Variants in BCO2 observed in about 807,000 individuals in gnomAD.
The protein encoded by BCO2 is carotenoid-cleaving dioxygenase, mitochondrial.
In BCO2, 56 loss-of-function variants were observed where a neutral mutation model predicts 65.8. The observed-to-expected ratio is 0.85, with a 90% CI of 0.69 to 1.06. The LOEUF (loss-of-function observed/expected upper bound fraction) is 1.06. Among genes scored for constraint, BCO2 ranks in the 50% least tolerant of loss-of-function variants. BCO2 has a pLI of 0.00. For synonymous variants in BCO2, 233 were observed against 242.3 expected, an observed-to-expected ratio of 0.96 and a Z score of 0.36; for missense variants, 675 against 698.5, an observed-to-expected ratio of 0.97 and a Z score of 0.38.
intron 2 of BCO2, chr11:112,179,904 C>G (rs962899886): frequency 5.3e-6 from 1 of 189,208 alleles, no homozygotes; most frequent in Non-Finnish European, 1.1e-5. Context: ...GTTCTCTCAC[C>G]TATGTTCCCT....
Position 112,194,185 on chromosome 11 carries a change from T to G in BCO2, c.633+191T>G, listed in dbSNP as rs561346958. The G allele has an allele frequency of 5.5e-6, 3 of 542,828 alleles. No homozygotes were observed. The African/African-American group carries it at 5.7e-5, about 10-fold the overall frequency. 33.6% of individuals were successfully genotyped at this position (542,828 alleles called of 1,614,324 possible). A position where few individuals can be genotyped will look rare whatever the true frequency, so the allele number is the denominator to read the frequency against. The stretch of plus-strand genomic sequence containing the variant: ...TGGGTTGGTTTTCCTTAAATATAAT[T>G]CTAAACTCCTTCCTTAGTCCTAATA... On this transcript the variant is annotated intron_variant, in intron 4 of 11. Transcript: ENST00000357685.
At chr11:112,207,977 A>G (rs1285836966) in intron 8 of BCO2, among the ~76,000 whole-genome samples, 1 of 145,120 alleles carries the variant, frequency 6.9e-6, no homozygotes, top group African/African-American at 2.6e-5. Flanking sequence ...TTTTTGAGAC[A>G]GTGTGACGGT....
intron 2 of BCO2, among the ~76,000 whole-genome samples, chr11:112,189,648 T>C (rs941406442): frequency 1.3e-5 from 2 of 152,040 alleles, no homozygotes; most frequent in Non-Finnish European, 2.9e-5. Flanking sequence ...GTGATCCGCC[T>C]GCCTCGGCCT....
In BCO2 at chr11:112,204,232, C is replaced by T. The variant is rs116824687; in HGVS notation, c.1194+2042C>T. On this transcript the variant is annotated intron_variant, in intron 8 of 11. Transcript: ENST00000357685. ...CCAGGTCCATCCATGTTGTAGCAGA[C>T]GTCAGGATCTCCTTTTCTAAGATTG... Among the ~76,000 whole-genome samples, 907 of 152,292 alleles carry T rather than the reference C, an allele frequency of 6.0e-3. 16 individuals are homozygous for T. The highest frequency in any genetic ancestry group is 0.021 in the African/African-American group (861 of 41,556).
chr11:112,189,305 G>A (rs943263801), intron 2 of BCO2, among the ~76,000 whole-genome samples: 2 of 151,946 alleles, frequency 1.3e-5, no homozygotes, highest in African/African-American at 4.8e-5. Flanking sequence ...AGGATTGCTT[G>A]AGGAAAGGAG....
At chr11:112,202,773 C>T (rs901402947) in intron 8 of BCO2, among the ~76,000 whole-genome samples, 1 of 152,054 alleles carries the variant, frequency 6.6e-6, no homozygotes, top group Non-Finnish European at 1.5e-5. Context: ...TGGCTGGGCA[C>T]GGTGGCTCAC....
chr11:112,176,523 G>GGGGGC (rs1555193562), intron 1 of BCO2: 1 of 133,658 alleles, frequency 7.5e-6, no homozygotes, highest in African/African-American at 2.8e-5. Context: ...TTGGCGGGGG[G>GGGGGC]GGGGGAATTA....
intron 5 of BCO2, among the ~76,000 whole-genome samples, chr11:112,198,295 A>G (rs1240382893): frequency 1.3e-5 from 2 of 151,924 alleles, no homozygotes; most frequent in African/African-American, 4.8e-5. Flanking sequence ...TGTACTCCAG[A>G]CTGGGTGATA....
At position 112,176,813 on chromosome 11, in the gene BCO2, CATTA is replaced by C. The variant is rs1269085574; in HGVS notation, c.88+1126_88+1129del. Among the ~76,000 whole-genome samples, 4 of 152,154 alleles carry C rather than the reference CATTA, an allele frequency of 2.6e-5. No individual in the cohort carries two copies. The East Asian group carries it at 7.7e-4, about 29-fold the overall frequency. Reference sequence around the variant, plus strand: ...CATGGAAAAACCTGAGGCTCAGAGACATTAAGTAACTTGCCCAAGGTTGTCAGCT... The same window carrying C: ...CATGGAAAAACCTGAGGCTCAGAGACAGTAACTTGCCCAAGGTTGTCAGCT... On this transcript the variant is annotated intron_variant, in intron 1 of 11. Transcript: ENST00000357685.
Position 112,193,537 on chromosome 11 carries a change from G to C in BCO2, c.357G>C (p.Val119=). ...AGTTCAGAATGGCAAAGGGCACAGT[G>C]ACATACAGGAGCAAGTTTCTACAGA... The part of the protein sequence containing the change: ...LHQFRMAKGT[V]TYRSKFLQSD... Residue 119 remains valine (V), a synonymous_variant, in exon 3 of 12, where the codon GTG becomes GTC. Transcript: ENST00000357685. 1.9e-6 allele frequency: 3 copies of C among 1,614,172 alleles called. No individual in the cohort carries two copies. Among genetic ancestry groups the C allele is most frequent in the Non-Finnish European group, 8.5e-7 (1 of 1,180,028 alleles).
Position 112,200,552 on chromosome 11 carries a change from C to A in BCO2, c.866-61C>A, listed in dbSNP as rs1204797211. On this transcript the variant is annotated intron_variant, in intron 6 of 11. Coordinates refer to ENST00000357685, the MANE Select transcript of BCO2 (RefSeq NM_031938.7). ...CATTCAGACAAGTCCCCATAACTGG[C>A]ACATTTCAGACAACTCTAGTTTGCC... The A allele has an allele frequency of 2.0e-6, 3 of 1,479,280 alleles. No homozygotes were observed. In the Admixed American group the frequency reaches 6.4e-5, roughly 32 times the overall value. 91.6% of individuals were successfully genotyped at this position (1,479,280 alleles called of 1,614,324 possible).
chr11:112,211,915 A>G (rs1173705605), intron 8 of BCO2, among the ~76,000 whole-genome samples: 2 of 152,206 alleles, frequency 1.3e-5, no homozygotes, highest in African/African-American at 4.8e-5. Flanking sequence ...GTTGATCCAT[A>G]TAATGTAATC....
chr11:112,184,454 C>T (rs1169967406), intron 2 of BCO2, among the ~76,000 whole-genome samples: 3 of 151,902 alleles, frequency 2.0e-5, no homozygotes, highest in South Asian at 4.2e-4. Context: ...GGGGTTTCAC[C>T]GTGTTAGCCA....
At chr11:112,182,709 G>T (rs568685466) in intron 2 of BCO2, among the ~76,000 whole-genome samples, 1 of 151,810 alleles carries the variant, frequency 6.6e-6, no homozygotes, top group African/African-American at 2.4e-5. Flanking sequence ...GTCATGGGGT[G>T]GGGGGAGCAC....
chr11:112,196,068 C>T (rs1470620021), intron 5 of BCO2, among the ~76,000 whole-genome samples: 1 of 152,168 alleles, frequency 6.6e-6, no homozygotes, highest in African/African-American at 2.4e-5. Flanking sequence ...CAGGTCCAAT[C>T]TTTCTGGACA....
chr11:112,195,672 G>C (rs1867551433), intron 5 of BCO2, among the ~76,000 whole-genome samples: 1 of 151,444 alleles, frequency 6.6e-6, no homozygotes, highest in Admixed American at 6.6e-5. Flanking sequence ...TTGAACTCCT[G>C]ACCTCAAGTG....
At chr11:112,213,589 A>T in intron 8 of BCO2, 135 bp from the exon 9 acceptor site, 1 of 969,970 alleles carries the variant, frequency 1.0e-6, no homozygotes, top group Non-Finnish European at 1.6e-6. Context: ...AACAAATATT[A>T]AGTAGATGAA....
At chr11:112,189,536 G>A (rs1439155262) in intron 2 of BCO2, among the ~76,000 whole-genome samples, 1 of 151,812 alleles carries the variant, frequency 6.6e-6, no homozygotes, top group Non-Finnish European at 1.5e-5. Context: ...CTCCCAAGTA[G>A]CTGGGACTAC....
chr11:112,199,842 A>G lies in BCO2; in HGVS notation c.865+15A>G, dbSNP rs750013770. The stretch of plus-strand genomic sequence containing the variant: ...CCATAGCTTTGGTGAGTCCAGAGAT[A>G]AGGCAAATTTCAGTGGGCTCTGCCT... On this transcript the variant is annotated intron_variant, in intron 6 of 11. Coordinates refer to ENST00000357685, the MANE Select transcript of BCO2 (RefSeq NM_031938.7). 1 of 1,612,716 alleles carries G rather than the reference A, an allele frequency of 6.2e-7. No individual in the cohort carries two copies. The highest frequency in any genetic ancestry group is 1.7e-5 in the Admixed American group (1 of 59,764).
Sources: gnomAD v4.1 joint callset for allele counts (sites outside exome capture counted in the v4.1 genomes callset) on GRCh38, gnomAD v4.1.1 for gene constraint, MANE v1.5 for transcripts, NCBI Gene and HGNC (gene_info 2026-07-23, HGNC 2026-07-21) for gene names.